Variants in PCSK4 observed in about 807,000 individuals in gnomAD.
The protein encoded by PCSK4 is testicular tissue protein Li 135.
In PCSK4, 64 loss-of-function variants were observed where a neutral mutation model predicts 80.3. That is an observed-to-expected ratio of 0.80 (90% confidence interval 0.65 to 0.98). The LOEUF (loss-of-function observed/expected upper bound fraction) is 0.98, where lower values mean the gene tolerates loss of function less well. PCSK4 is among the 50% of genes least tolerant of loss of function. The pLI is 0.00. For missense variants in PCSK4, 1,213 were observed against 1,093.6 expected (o/e 1.11, Z -1.54); for synonymous variants, 561 against 487.6 (o/e 1.15, Z -1.98).
At chr19:1,482,658 C>T in intron 13 of PCSK4, 183 bp from the exon 14 acceptor site, 1 of 823,012 alleles carries the variant, frequency 1.2e-6, no homozygotes, top group East Asian at 2.7e-5. Context: ...CGGGTGACTG[C>T]ACACCTACTG....
intron 2 of PCSK4, 93 bp from the exon 3 acceptor site, chr19:1,488,373 C>G: frequency 1.1e-6 from 1 of 934,530 alleles, no homozygotes; most frequent in East Asian, 2.6e-5. Context: ...CCCTGGGACC[C>G]TGTGTTTGTG....
At chr19:1,486,455 C>G (rs562802436) in intron 8 of PCSK4, among the ~76,000 whole-genome samples, 1 of 151,544 alleles carries the variant, frequency 6.6e-6, no homozygotes, top group Admixed American at 6.6e-5. Flanking sequence ...CACCACCACG[C>G]CCGGCTAATT....
chr19:1,490,619 A>G (rs2084899948), upstream of PCSK4: 1 of 421,848 alleles, frequency 2.4e-6, no homozygotes, highest in Non-Finnish European at 4.2e-6. Flanking sequence ...AAGCGGGTTC[A>G]CTGTTGCGAT....
At chr19:1,483,672 C>T (rs909709596) in exon 11 of PCSK4, 55 of 1,594,896 alleles carry the variant, frequency 3.4e-5, no homozygotes, top group Non-Finnish European at 4.2e-5. Flanking sequence ...TGGACCCGGA[C>T]GGCGCACTTC....
intron 12 of PCSK4, 84 bp from the exon 13 acceptor site, chr19:1,483,104 G>A (rs1320798084): frequency 5.2e-6 from 7 of 1,336,096 alleles, no homozygotes; most frequent in East Asian, 5.0e-5. Flanking sequence ...GTGTCTGACC[G>A]CACGCGCTGG....
upstream of PCSK4, chr19:1,490,560 T>G: frequency 2.1e-6 from 1 of 479,640 alleles, no homozygotes; most frequent in East Asian, 3.5e-5. Context: ...ACCCACACCC[T>G]CGGGAGCCTC....
exon 10 of PCSK4, chr19:1,483,864 C>A: frequency 1.3e-6 from 2 of 1,497,786 alleles, no homozygotes; most frequent in South Asian, 2.5e-5. Flanking sequence ...GTTGGTCCTC[C>A]AGTCCTCGGC....
rs775936602 is a variant in PCSK4, at chr19:1,481,766, C to T, written c.2261G>A (p.Gly754Glu). 6 of 1,508,864 alleles carry T rather than the reference C, an allele frequency of 4.0e-6. No homozygotes were observed. In the Admixed American group the frequency reaches 1.1e-4, roughly 28 times the overall value. The allele number at this position is 1,508,864 out of a possible 1,614,324, so 93.5% of individuals were successfully genotyped here. The stretch of plus-strand genomic sequence containing the variant: ...CTTTCTGAGCTGACAACTTCAGGTT[C>T]CAGCTGGCAGCCAGACCTGGGGTTT... The change falls in exon 15 of 15, where the codon GGA becomes GAA. Residue 754 changes from glycine (G) to glutamate (E), a missense_variant. Gly to Glu is a moderately conservative substitution (Grantham distance 98). Transcript: ENST00000300954.
rs138042900 is a variant in PCSK4, at chr19:1,488,215, G to A, written c.360C>T (p.Asp120=). The A allele has an allele frequency of 5.3e-4, 851 of 1,613,514 alleles. 1 individual carries two copies. The highest frequency in any genetic ancestry group is 1.2e-3 in the Middle Eastern group (7 of 6,058). The change falls in exon 3 of 15, where the codon GAC becomes GAT. Residue 120 remains aspartate, a synonymous_variant. Transcript: ENST00000300954. The stretch of plus-strand genomic sequence containing the variant: ...TGTACCACTGCTTGGAGAACCAGGG[G>A]TCCGTGGGCACCACGACAGAGCGTT...
chr19:1,489,561 G>A, intron 2 of PCSK4: 1 of 649,804 alleles, frequency 1.5e-6, no homozygotes, highest in Non-Finnish European at 2.5e-6. Flanking sequence ...CCAGAGGAGG[G>A]AGGGGGAGGA....
intron 8 of PCSK4, among the ~76,000 whole-genome samples, chr19:1,486,416 C>A (rs2084613163): frequency 6.6e-6 from 1 of 152,028 alleles, no homozygotes; most frequent in African/African-American, 2.4e-5. Flanking sequence ...CCTGCCTCAG[C>A]CTCCCGAGTA....
At chr19:1,490,028 G>C in intron 1 of PCSK4, 130 bp downstream of exon 1, 4 of 1,520,788 alleles carry the variant, frequency 2.6e-6, no homozygotes, top group Admixed American at 4.1e-5. Context: ...AGCTGAGCTT[G>C]GCTGAGGCAG....
Position 1,486,709 on chromosome 19 carries a change from G to A in PCSK4, c.1068+144C>T, listed in dbSNP as rs1568215533. 3.6e-5 allele frequency: 25 copies of A among 695,172 alleles called. No homozygotes were observed. In the South Asian group the frequency reaches 4.0e-4, roughly 11 times the overall value. The allele number at this position is 695,172 out of a possible 1,614,324, so 43.1% of individuals were successfully genotyped here. ...AGCCTCCCAAAGTGCTGGGATTACA[G>A]GTGTGAGCCACCGTGCTCGGCCTGG... On this transcript the variant is annotated intron_variant, in intron 8 of 14. Coordinates refer to ENST00000300954, the Ensembl canonical transcript of PCSK4.
chr19:1,482,890 C>T lies in PCSK4; in HGVS notation c.1696+6G>A. 6.2e-7 allele frequency: 1 copy of T among 1,613,140 alleles called. No homozygotes were observed. The highest frequency in any genetic ancestry group is 8.5e-7 in the Non-Finnish European group (1 of 1,179,588). ...CCCGCCCACCACAGCCCCGCCCCGCCCTCACCCGTGTTGAAATAGTAGCCC... is the reference window on the plus strand; with the variant it reads ...CCCGCCCACCACAGCCCCGCCCCGCTCTCACCCGTGTTGAAATAGTAGCCC... On this transcript the variant is annotated splice_donor_region_variant and intron_variant, in intron 13 of 14. Transcript: ENST00000300954.
At chr19:1,490,259 G>T (rs1159703367) in exon 1 of PCSK4, 8 of 1,608,412 alleles carry the variant, frequency 5.0e-6, no homozygotes, top group Admixed American at 1.7e-5. Flanking sequence ...ATGGGGGCTC[G>T]GACCGGGGCC....
intron 4 of PCSK4, 51 bp downstream of exon 4, chr19:1,487,913 C>G (rs772590559): frequency 1.3e-6 from 2 of 1,582,070 alleles, no homozygotes; most frequent in Admixed American, 1.7e-5. Flanking sequence ...TAGGGTGGTG[C>G]CAGCCTCGGC....
chr19:1,481,706 A>T, exon 15 of PCSK4: 1 of 1,250,312 alleles, frequency 8.0e-7, no homozygotes, highest in Non-Finnish European at 1.1e-6. Flanking sequence ...GCATGGCAGC[A>T]GTGCCTGTCA....
intron 9 of PCSK4, 35 bp downstream of exon 9, chr19:1,483,992 G>A: frequency 6.7e-7 from 1 of 1,494,380 alleles, no homozygotes; most frequent in Non-Finnish European, 8.9e-7. Flanking sequence ...GCGCCTGGGG[G>A]CGAGGGCGGT....
intron 8 of PCSK4, among the ~76,000 whole-genome samples, chr19:1,486,319 C>T (rs1398783836): frequency 1.3e-5 from 2 of 149,392 alleles, no homozygotes; most frequent in African/African-American, 2.5e-5. Context: ...ATTTTTGAGA[C>T]GGAGTCTCAC....
Sources: allele counts gnomAD v4.1 joint callset (sites outside exome capture counted in the v4.1 genomes callset), GRCh38; gene constraint gnomAD v4.1.1; transcripts MANE v1.5; gene names NCBI Gene and HGNC (gene_info 2026-07-23, HGNC 2026-07-21).